Variants in FMN2 observed in about 807,000 individuals in gnomAD.
FMN2 encodes formin 2.
Under a neutral mutation model 142.3 loss-of-function variants are expected in FMN2, and 51 were observed. The ratio of observed to expected loss-of-function variants is 0.36; its 90% confidence interval spans 0.29 to 0.45. FMN2 has a LOEUF of 0.45. FMN2 is among the 20% of genes least tolerant of loss of function. The pLI, the probability that FMN2 is intolerant of heterozygous loss-of-function variation, is 1.00. For missense variants in FMN2, 1,936 were observed against 2,122.8 expected, an observed-to-expected ratio of 0.91 and a Z score of 1.73; for synonymous variants, 882 against 869.8, an observed-to-expected ratio of 1.01 and a Z score of -0.25.
chr1:240,327,873 G>T (rs1319697638), intron 8 of FMN2, among the ~76,000 whole-genome samples: 2 of 151,956 alleles, frequency 1.3e-5, no homozygotes, highest in African/African-American at 4.8e-5. Flanking sequence ...CAGGCCAGGC[G>T]CAGTGGCTCA....
At position 240,307,102 on chromosome 1, in the gene FMN2, T is replaced by C. The variant is rs140267172; in HGVS notation, c.4215+12219T>C. On this transcript the variant is annotated intron_variant, in intron 8 of 17. Coordinates refer to ENST00000319653, the MANE Select transcript of FMN2 (RefSeq NM_020066.5). ...CTTTTTAATGAGGTTGTTTCCTTTT[T>C]TCTTGTTGATTCATTTAAATCCCTT... 2.8e-4 allele frequency among the ~76,000 whole-genome samples: 43 copies of C among 152,344 alleles called. 1 individual carries two copies. In the East Asian group the frequency reaches 7.9e-3, roughly 28 times the overall value.
chr1:240,186,884 T>G (rs149393131), intron 3 of FMN2, among the ~76,000 whole-genome samples: 298 of 151,794 alleles, frequency 2.0e-3, no homozygotes, highest in African/African-American at 7.1e-3. Flanking sequence ...TTAAGCTGTT[T>G]AAATACTAAA....
chr1:240,381,104 A>C (rs1276179461), intron 14 of FMN2, among the ~76,000 whole-genome samples: 1 of 152,206 alleles, frequency 6.6e-6, no homozygotes. Context: ...GGAACCAAGC[A>C]TATTAAAACT....
At chr1:240,130,407 A>G (rs898120410) in intron 2 of FMN2, among the ~76,000 whole-genome samples, 1 of 152,152 alleles carries the variant, frequency 6.6e-6, no homozygotes, top group South Asian at 2.1e-4. Flanking sequence ...GTTTCAGGCT[A>G]TTCTCCTGCC....
chr1:240,092,296 A>G lies in FMN2; in HGVS notation c.187A>G (p.Lys63Glu). ...CGGCGGCGGCGGCGGGGAGTCGGGCAAGAAGAAGAGCAAGTCCGACTCCAG... is the reference window on the plus strand; with the variant it reads ...CGGCGGCGGCGGCGGGGAGTCGGGCGAGAAGAAGAGCAAGTCCGACTCCAG... ...GGGGGGGESG[K>E]KKSKSDSRAS... The change falls in exon 1 of 18, where the codon AAG becomes GAG. Residue 63 changes from lysine (K) to glutamate (E), a missense_variant. By Grantham distance (56) the Lys-to-Glu change is moderately conservative (BLOSUM62 1). Around this residue, in one of 8 missense-constraint regions of FMN2, gnomAD observed 751 missense variants for 791.8 expected, o/e 0.95. Coordinates refer to ENST00000319653, the MANE Select transcript of FMN2 (RefSeq NM_020066.5). 3 of 1,593,968 alleles carry G rather than the reference A, an allele frequency of 1.9e-6. No individual in the cohort carries two copies. The highest frequency in any genetic ancestry group is 2.6e-6 in the Non-Finnish European group (3 of 1,168,480).
Position 240,092,259 on chromosome 1 carries a change from G to C in FMN2, c.150G>C (p.Lys50Asn), listed in dbSNP as rs763463020. 1 of 1,121,606 alleles carries C rather than the reference G, an allele frequency of 8.9e-7. No individual in the cohort carries two copies. The highest frequency in any genetic ancestry group is 2.5e-5 in the East Asian group (1 of 40,196). The allele number at this position is 1,121,606 out of a possible 1,614,324, so 69.5% of individuals were successfully genotyped here. ...GGKKALGKHGKGGGGGGGGGE... is the reference protein window; with the variant it reads ...GGKKALGKHGNGGGGGGGGGE... ...AGAAGGCGCTAGGCAAGCACGGCAA[G>C]GGGGGAGGGGGCGGCGGCGGCGGCG... Residue 50 changes from lysine to asparagine, a missense_variant, in exon 1 of 18, where the codon AAG (lysine) becomes AAC (asparagine). By Grantham distance (94) the Lys-to-Asn change is moderately conservative (BLOSUM62 0). Coordinates refer to ENST00000319653, the MANE Select transcript of FMN2 (RefSeq NM_020066.5).
intron 8 of FMN2, among the ~76,000 whole-genome samples, chr1:240,296,438 C>CTTTTTTTTTTTTTGTTTTT (rs1669986852): frequency 2.1e-5 from 1 of 46,910 alleles, no homozygotes. Context: ...TCTTTGAGTG[C>CTTTTTTTTTTTTTGTTTTT]TTTTTTTTTT....
intron 3 of FMN2, chr1:240,179,688 GA>G (rs1476226314): frequency 1.3e-5 from 2 of 152,126 alleles, no homozygotes; most frequent in Non-Finnish European, 2.9e-5. Flanking sequence ...GTTTTCAAAG[GA>G]AAACACACAA....
intron 3 of FMN2, among the ~76,000 whole-genome samples, chr1:240,183,722 A>G (rs1665250651): frequency 6.6e-6 from 1 of 151,954 alleles, no homozygotes; most frequent in Non-Finnish European, 1.5e-5. Context: ...GGCCTCATTT[A>G]GGAAAATTCA....
At chr1:240,178,123 G>T (rs55930966) in intron 3 of FMN2, 55 bp downstream of exon 3, 279,884 of 1,401,746 alleles carry the variant, frequency 0.2, 29,178 homozygotes, top group Middle Eastern at 0.3. Flanking sequence ...TAGAGAGAGA[G>T]AAGTTTTATT....
chr1:240,275,118 C>A (rs1157123047), intron 7 of FMN2, among the ~76,000 whole-genome samples: 1 of 139,088 alleles, frequency 7.2e-6, no homozygotes, highest in South Asian at 2.3e-4. Context: ...ACTTTAAGTT[C>A]TGGGATACAT....
At chr1:240,240,306 C>T (rs1033514621) in intron 6 of FMN2, among the ~76,000 whole-genome samples, 11 of 152,018 alleles carry the variant, frequency 7.2e-5, no homozygotes, top group Non-Finnish European at 1.3e-4. Context: ...AAATGTGGAC[C>T]GTAGTGGTAC....
intron 1 of FMN2, among the ~76,000 whole-genome samples, chr1:240,112,922 C>T (rs951809295): frequency 9.9e-5 from 15 of 152,158 alleles, no homozygotes; most frequent in Non-Finnish European, 7.4e-5. Context: ...GTGAGCTGTT[C>T]ATTCAGCAGA....
At chr1:240,462,679 C>T (rs1291468883) in intron 16 of FMN2, among the ~76,000 whole-genome samples, 1 of 152,088 alleles carries the variant, frequency 6.6e-6, no homozygotes. Context: ...CTTGTGTGAG[C>T]TTTAATGTAA....
intron 14 of FMN2, among the ~76,000 whole-genome samples, chr1:240,367,610 T>C (rs957283438): frequency 2.0e-5 from 3 of 151,344 alleles, no homozygotes; most frequent in Non-Finnish European, 4.4e-5. Flanking sequence ...CTACTAAAAA[T>C]ATAAAAAATA....
At chr1:240,108,909 GC>G (rs1307909774) in intron 1 of FMN2, among the ~76,000 whole-genome samples, 3 of 152,086 alleles carry the variant, frequency 2.0e-5, no homozygotes, top group Non-Finnish European at 2.9e-5. Flanking sequence ...GGTGGCGAGA[GC>G]CTGTAATCCC....
intron 6 of FMN2, among the ~76,000 whole-genome samples, chr1:240,228,328 AAAAAGAAAAAGAAAAAG>A: frequency 1.5e-5 from 1 of 66,374 alleles, no homozygotes; most frequent in South Asian, 5.2e-4. Context: ...AAAAAAAAAA[AAAAAGAAAAAGAAAAAG>A]AAAAAGAAAG....
chr1:240,112,989 T>C (rs1661871843), intron 1 of FMN2, among the ~76,000 whole-genome samples: 1 of 152,180 alleles, frequency 6.6e-6, no homozygotes, highest in Non-Finnish European at 1.5e-5. Flanking sequence ...GCTCAGGAAA[T>C]ATGGTTGAAT....
chr1:240,387,262 C>G (rs541394101), intron 14 of FMN2, among the ~76,000 whole-genome samples: 22 of 152,202 alleles, frequency 1.4e-4, no homozygotes, highest in African/African-American at 4.3e-4. Context: ...TCAGTAGACT[C>G]TATCTCGGAA....
Sources: allele counts gnomAD v4.1 joint callset (sites outside exome capture counted in the v4.1 genomes callset), GRCh38; gene constraint gnomAD v4.1.1; regional missense constraint gnomAD v4.1.1; transcripts MANE v1.5; gene names NCBI Gene and HGNC (gene_info 2026-07-23, HGNC 2026-07-21).